STEAP3: variants seen among roughly 807,000 people sequenced by gnomAD.
STEAP3 encodes STEAP3 metalloreductase.
Under a neutral mutation model 34.9 loss-of-function variants are expected in STEAP3, and 35 were observed. The observed-to-expected ratio is 1.00, with a 90% CI of 0.76 to 1.33. The LOEUF is 1.33. Ranked by LOEUF, STEAP3 falls within the 40% of genes most tolerant of loss-of-function variation. The pLI, the probability that STEAP3 is intolerant of heterozygous loss-of-function variation, is 0.00. For synonymous variants in STEAP3, 281 were observed against 301.6 expected (o/e 0.93, Z 0.71); for missense variants, 652 against 667.6 (o/e 0.98, Z 0.26).
chr2:119,237,595 C>T (rs2104803781), intron 2 of STEAP3, among the ~76,000 whole-genome samples: 1 of 152,334 alleles, frequency 6.6e-6, no homozygotes, highest in East Asian at 1.9e-4. Context: ...CAGCCACCAA[C>T]ATTGGTGTTA....
At chr2:119,245,456 C>T in intron 2 of STEAP3, 33 bp from the exon 3 acceptor site, 3 of 1,549,318 alleles carry the variant, frequency 1.9e-6, no homozygotes, top group Non-Finnish European at 2.6e-6. Context: ...TCCAGGAGCC[C>T]TCCACTGACC....
At chr2:119,224,908 G>T (rs1177886822) in intron 1 of STEAP3, among the ~76,000 whole-genome samples, 1 of 152,234 alleles carries the variant, frequency 6.6e-6, no homozygotes, top group East Asian at 1.9e-4. Flanking sequence ...AACAGCCTCA[G>T]AGAGTCCACG....
intron 2 of STEAP3, among the ~76,000 whole-genome samples, chr2:119,232,060 C>T (rs838095): frequency 0.35 from 53,286 of 151,972 alleles, 9,715 homozygotes; most frequent in Non-Finnish European, 0.42. Context: ...GCAGAAACAG[C>T]CTGAGAATGA....
rs1217463621 is a variant in STEAP3 at position 119,245,983 on chromosome 2, A to T, written c.517A>T (p.Arg173Trp). Residue 173 changes from arginine to tryptophan, a missense_variant, in exon 3 of 6, where the codon AGG becomes TGG. Transcript: ENST00000393110. ...GCAGGCTGGCCCAAGGGATGGTAAC[A>T]GGCAGGTAGGTTCTGGGGGAATAAT... ...TLQAGPRDGN[R>W]QVPICGDQPE... 6.2e-7 allele frequency: 1 copy of T among 1,611,066 alleles called. No homozygotes were observed. Among genetic ancestry groups the T allele is most frequent in the Admixed American group, 1.7e-5 (1 of 59,992 alleles).
chr2:119,242,163 G>C (rs1677265442), intron 2 of STEAP3, among the ~76,000 whole-genome samples: 1 of 152,228 alleles, frequency 6.6e-6, no homozygotes, highest in Non-Finnish European at 1.5e-5. Flanking sequence ...TCACTCAGGA[G>C]ATGGCAGGCA....
chr2:119,253,902 A>G (rs530748352), intron 4 of STEAP3, among the ~76,000 whole-genome samples: 18 of 152,280 alleles, frequency 1.2e-4, no homozygotes, highest in African/African-American at 3.9e-4. Flanking sequence ...GGCACACAGT[A>G]GGTGCTTCGT....
chr2:119,262,145 G>A (rs1405527911), intron 5 of STEAP3, among the ~76,000 whole-genome samples: 1 of 152,108 alleles, frequency 6.6e-6, no homozygotes, highest in Non-Finnish European at 1.5e-5. Flanking sequence ...TTCGCTACTG[G>A]TGCCAAATCC....
Position 119,247,665 on chromosome 2 carries a change from C to G in STEAP3, c.523-14C>G. On this transcript the variant is annotated splice_polypyrimidine_tract_variant and intron_variant, in intron 3 of 5. Coordinates refer to ENST00000393110, the MANE Select transcript of STEAP3 (RefSeq NM_182915.3). ...CCTGTGACGCCGTCTGACTGCCCCACTTTTCTCCCGCAGGTGCCCATCTGC... is the reference window on the plus strand; with the variant it reads ...CCTGTGACGCCGTCTGACTGCCCCAGTTTTCTCCCGCAGGTGCCCATCTGC... 6.6e-7 allele frequency: 1 copy of G among 1,514,358 alleles called. No individual in the cohort carries two copies. The highest frequency in any genetic ancestry group is 8.8e-7 in the Non-Finnish European group (1 of 1,137,650). The allele number at this position is 1,514,358 out of a possible 1,614,324, so 93.8% of individuals were successfully genotyped here.
intron 2 of STEAP3, among the ~76,000 whole-genome samples, chr2:119,236,810 G>A (rs1012149157): frequency 9.2e-5 from 14 of 152,166 alleles, no homozygotes; most frequent in African/African-American, 3.4e-4. Context: ...GGGAGCTGGT[G>A]GGGTGGACCT....
chr2:119,261,496 T>C (rs1460816115), intron 5 of STEAP3, among the ~76,000 whole-genome samples: 1 of 152,066 alleles, frequency 6.6e-6, no homozygotes, highest in East Asian at 1.9e-4. Context: ...GCTAGCAGAA[T>C]TCAGTCAGAG....
chr2:119,263,623 G>C lies in STEAP3; in HGVS notation c.*285G>C. The stretch of plus-strand genomic sequence containing the variant: ...TTTCAACTTGTAGATTTAAAAACAA[G>C]TGCCGTACGTTAAGAGAAGAGCAGA... On this transcript the variant is annotated 3_prime_UTR_variant, in exon 6 of 6. Coordinates refer to ENST00000393110, the MANE Select transcript of STEAP3 (RefSeq NM_182915.3). 1 of 508,818 alleles carries C rather than the reference G, an allele frequency of 2.0e-6. No homozygotes were observed. Among genetic ancestry groups the C allele is most frequent in the South Asian group, 2.0e-5 (1 of 49,120 alleles). 31.5% of individuals were successfully genotyped at this position (508,818 alleles called of 1,614,324 possible).
At chr2:119,244,157 G>A (rs1345345793) in intron 2 of STEAP3, among the ~76,000 whole-genome samples, 1 of 151,980 alleles carries the variant, frequency 6.6e-6, no homozygotes, top group African/African-American at 2.4e-5. Flanking sequence ...TTCTTTATTA[G>A]CACATTAAAT....
chr2:119,224,732 A>G (rs1327260408), intron 1 of STEAP3, among the ~76,000 whole-genome samples: 1 of 152,176 alleles, frequency 6.6e-6, no homozygotes, highest in Non-Finnish European at 1.5e-5. Flanking sequence ...GATTCTGGAA[A>G]TGCCCCCAGG....
intron 1 of STEAP3, among the ~76,000 whole-genome samples, chr2:119,224,787 G>A (rs1678987354): frequency 6.6e-6 from 1 of 152,196 alleles, no homozygotes; most frequent in Non-Finnish European, 1.5e-5. Flanking sequence ...ATAATTAACA[G>A]CAGATATTCC....
intron 5 of STEAP3, among the ~76,000 whole-genome samples, chr2:119,262,446 C>T (rs1252480660): frequency 6.6e-6 from 1 of 152,164 alleles, no homozygotes; most frequent in Non-Finnish European, 1.5e-5. Context: ...ACAATCTTGG[C>T]TCACTGCAAC....
intron 4 of STEAP3, among the ~76,000 whole-genome samples, chr2:119,253,992 G>A (rs1677700665): frequency 6.6e-6 from 1 of 152,102 alleles, no homozygotes; most frequent in East Asian, 1.9e-4. Context: ...TGTGCCTCAG[G>A]CAGAAGTAGA....
chr2:119,226,762 A>C (rs1679053318), intron 1 of STEAP3, among the ~76,000 whole-genome samples: 1 of 152,112 alleles, frequency 6.6e-6, no homozygotes, highest in South Asian at 2.1e-4. Flanking sequence ...ATCCTGCCTG[A>C]AATGCCAGTC....
At chr2:119,262,084 G>A (rs938079068) in intron 5 of STEAP3, among the ~76,000 whole-genome samples, 1 of 152,118 alleles carries the variant, frequency 6.6e-6, no homozygotes, top group African/African-American at 2.4e-5. Context: ...GGTGTTCTGG[G>A]GCTTTCTATA....
At chr2:119,255,030 G>T (rs1269513062) in intron 5 of STEAP3, among the ~76,000 whole-genome samples, 182 bp downstream of exon 5, 3 of 152,174 alleles carry the variant, frequency 2.0e-5, no homozygotes, top group Admixed American at 2.0e-4. Flanking sequence ...GGGGCTGCCT[G>T]CTACAAGCTT....
Sources: gnomAD v4.1 joint callset for allele counts (sites outside exome capture counted in the v4.1 genomes callset) on GRCh38, gnomAD v4.1.1 for gene constraint, MANE v1.5 for transcripts, NCBI Gene and HGNC (gene_info 2026-07-23, HGNC 2026-07-21) for gene names.